PNISR: variants seen among roughly 807,000 people sequenced by gnomAD.
PNISR encodes arginine/serine-rich protein PNISR.
PNISR carries 20 observed loss-of-function variants against 93.4 expected under a neutral mutation model. The ratio of observed to expected loss-of-function variants is 0.21; its 90% CI spans 0.15 to 0.31. The LOEUF (loss-of-function observed/expected upper bound fraction) is 0.31. Among genes scored for constraint, PNISR ranks in the 10% least tolerant of loss-of-function variants. PNISR has a pLI of 1.00. For synonymous variants in PNISR, 305 were observed against 306.5 expected (o/e 0.99, Z 0.05); for missense variants, 893 against 985.4 (o/e 0.91, Z 1.25).
At chr6:99,407,993 T>C (rs1776370594) in intron 7 of PNISR, 88 bp downstream of exon 7, 1 of 955,546 alleles carries the variant, frequency 1.0e-6, no homozygotes, top group Admixed American at 2.4e-5. Flanking sequence ...ACTCTAATAC[T>C]TTCCTATAGG....
chr6:99,418,070 C>T (rs1417663024), intron 1 of PNISR, among the ~76,000 whole-genome samples: 1 of 150,982 alleles, frequency 6.6e-6, no homozygotes, highest in Non-Finnish European at 1.5e-5. Context: ...TTCACTTTAT[C>T]TTTGAAAGAA....
At position 99,406,112 on chromosome 6, in the gene PNISR, T is replaced by C. The variant is rs1445544386; in HGVS notation, c.921A>G (p.Lys307=). Residue 307 remains lysine, a synonymous_variant, in exon 8 of 12, where the codon AAA becomes AAG. Coordinates refer to ENST00000369239, the MANE Select transcript of PNISR (RefSeq NM_032870.4). ...TENVEAASSG[K]VTRSPSPVPQ... is the part of the protein sequence containing the mutation. ...GAACTGGGGATGGACTTCTGGTGAC[T>C]TTCCCACTACTTGCAGCCTCAACAT... The C allele has an allele frequency of 1.9e-6, 3 of 1,609,368 alleles. No homozygotes were observed. Among genetic ancestry groups the C allele is most frequent in the Admixed American group, 1.7e-5 (1 of 60,004 alleles).
intron 1 of PNISR, among the ~76,000 whole-genome samples, chr6:99,423,466 A>G (rs73760059): frequency 0.02 from 3,080 of 152,298 alleles, 92 homozygotes; most frequent in African/African-American, 0.068. Context: ...AGAACAGTAT[A>G]AAAAGGGGTG....
In PNISR at chr6:99,414,543, G is replaced by A. The variant is rs183045012; in HGVS notation, c.88+29C>T. 1.5e-5 allele frequency: 18 copies of A among 1,176,424 alleles called. No homozygotes were observed. Among genetic ancestry groups the A allele is most frequent in the Admixed American group, 1.0e-4 (6 of 58,292 alleles). 72.9% of individuals were successfully genotyped at this position (1,176,424 alleles called of 1,614,324 possible). On this transcript the variant is annotated intron_variant, in intron 3 of 11. Transcript: ENST00000369239. ...TACCCATTTCCACATATCCAACCCC[G>A]CCCTTTCAAATTCAATTTGTTTCCT...
In PNISR at chr6:99,404,667, C is replaced by T. The variant is rs144012623; in HGVS notation, c.1038G>A (p.Leu346=). Residue 346 remains leucine (L), a synonymous_variant, in exon 9 of 12, where the codon CTG becomes CTA. Coordinates refer to ENST00000369239, the MANE Select transcript of PNISR (RefSeq NM_032870.4). ...LLTKMLLTEI[L]LDVTDEEIYY... ...AAATTTCTTCATCTGTGACATCCAG[C>T]AGAATTTCTGTTAGAAGCATTTTTG... 9.1e-5 allele frequency: 146 copies of T among 1,604,660 alleles called. 1 individual carries two copies. In the Middle Eastern group the frequency reaches 2.8e-3, roughly 31 times the overall value.
intron 1 of PNISR, among the ~76,000 whole-genome samples, chr6:99,420,466 G>A (rs1396926494): frequency 1.3e-5 from 2 of 152,136 alleles, no homozygotes; most frequent in African/African-American, 2.4e-5. Context: ...ATTAACTATT[G>A]TTTAATTAAA....
intron 1 of PNISR, among the ~76,000 whole-genome samples, chr6:99,417,903 G>A (rs1305747801): frequency 1.3e-5 from 2 of 150,470 alleles, no homozygotes; most frequent in Non-Finnish European, 3.0e-5. Flanking sequence ...GGGAGGCGGA[G>A]GTTGCAGTGA....
chr6:99,416,868 G>A (rs902070969), intron 1 of PNISR, among the ~76,000 whole-genome samples: 10 of 152,106 alleles, frequency 6.6e-5, no homozygotes, highest in Non-Finnish European at 1.5e-4. Flanking sequence ...TCCTGAAATG[G>A]TTTAGTTTCC....
At chr6:99,402,999 A>C (rs1250826395) in intron 10 of PNISR, 1 of 224,094 alleles carries the variant, frequency 4.5e-6, no homozygotes, top group East Asian at 9.3e-5. Context: ...AAAACTACTT[A>C]ACAGGGCAGT....
chr6:99,404,220 G>C, intron 9 of PNISR: 1 of 366,328 alleles, frequency 2.7e-6, no homozygotes, highest in Non-Finnish European at 5.0e-6. Flanking sequence ...GCTTCTGTAA[G>C]AGATAAGTGG....
rs145044111 is a variant in PNISR at position 99,419,058 on chromosome 6, G to A, written c.-111-2630C>T. Among the ~76,000 whole-genome samples the A allele has an allele frequency of 7.1e-3, 1,069 of 149,582 alleles. 17 individuals carry two copies. Among genetic ancestry groups the A allele is most frequent in the African/African-American group, 0.025 (1,014 of 40,788 alleles). On this transcript the variant is annotated intron_variant, in intron 1 of 11. Coordinates refer to ENST00000369239, the MANE Select transcript of PNISR (RefSeq NM_032870.4). Reference sequence around the variant, plus strand: ...CCAGCTACTCCGGAGGCTGAGGCAGGAGAACTGCTTGAACCCGGGAGGTGG... The same window carrying A: ...CCAGCTACTCCGGAGGCTGAGGCAGAAGAACTGCTTGAACCCGGGAGGTGG...
chr6:99,406,903 C>G (rs193094044), intron 7 of PNISR, among the ~76,000 whole-genome samples: 177 of 152,070 alleles, frequency 1.2e-3, no homozygotes, highest in African/African-American at 4.2e-3. Flanking sequence ...CTACCTGAAC[C>G]AGGGGAAAAA....
rs1562225611 is a variant in PNISR at position 99,401,272 on chromosome 6, T to C, written c.1686A>G (p.Arg562=). Residue 562 remains arginine, a synonymous_variant, in exon 12 of 12, where the codon AGA becomes AGG. Coordinates refer to ENST00000369239, the MANE Select transcript of PNISR (RefSeq NM_032870.4). The part of the protein sequence containing the change: ...PKRKKRHSRS[R]SPTIKARRSR... ...TACGTCTAGCTTTGATTGTTGGAGA[T>C]CTACTCCTACTGTGTCTCTTTTTCC... 3 of 1,613,944 alleles carry C rather than the reference T, an allele frequency of 1.9e-6. No individual in the cohort carries two copies. The highest frequency in any genetic ancestry group is 2.5e-6 in the Non-Finnish European group (3 of 1,179,924).
chr6:99,412,502 C>T, intron 4 of PNISR, 49 bp downstream of exon 4: 1 of 1,290,066 alleles, frequency 7.8e-7, no homozygotes, highest in Non-Finnish European at 1.1e-6. Context: ...TAATAATCTT[C>T]ATTCTGTTTT....
chr6:99,418,259 T>A (rs1395457354), intron 1 of PNISR, among the ~76,000 whole-genome samples: 1 of 151,890 alleles, frequency 6.6e-6, no homozygotes, highest in Non-Finnish European at 1.5e-5. Flanking sequence ...TGCCTCAGCC[T>A]CCTGAGTAGC....
intron 11 of PNISR, among the ~76,000 whole-genome samples, chr6:99,402,015 G>A (rs1775568865): frequency 2.0e-5 from 3 of 152,172 alleles, no homozygotes; most frequent in Admixed American, 1.3e-4. Context: ...GTATCAAGAT[G>A]TAGAGGTGGG....
At chr6:99,421,009 A>C (rs1483071807) in intron 1 of PNISR, among the ~76,000 whole-genome samples, 1 of 152,252 alleles carries the variant, frequency 6.6e-6, no homozygotes, top group Admixed American at 6.5e-5. Flanking sequence ...TCAACCATGA[A>C]AATGACATTC....
Position 99,398,280 on chromosome 6 carries a change from G to A in PNISR, c.*2260C>T, listed in dbSNP as rs1407331653. On this transcript the variant is annotated 3_prime_UTR_variant, in exon 12 of 12. Transcript: ENST00000369239. ...AAAAATTTGATCTGTTAATTTTCTG[G>A]TGGTATTATTTTAGAAAAGATTTCA... 2 of 151,948 alleles carry A rather than the reference G, an allele frequency of 1.3e-5. No individual in the cohort carries two copies. The highest frequency in any genetic ancestry group is 1.3e-4 in the Admixed American group (2 of 15,264). 9.4% of individuals were successfully genotyped at this position (151,948 alleles called of 1,614,324 possible).
chr6:99,416,082 A>T (rs1183656313), intron 2 of PNISR: 3 of 256,688 alleles, frequency 1.2e-5, no homozygotes, highest in African/African-American at 6.6e-5. Flanking sequence ...AATATGGCAA[A>T]ATAGGCACTA....
Sources: gnomAD v4.1 joint callset for allele counts (sites outside exome capture counted in the v4.1 genomes callset) on GRCh38, gnomAD v4.1.1 for gene constraint, MANE v1.5 for transcripts, NCBI Gene and HGNC (gene_info 2026-07-23, HGNC 2026-07-21) for gene names.